TNRC18: variants seen among roughly 807,000 people sequenced by gnomAD.
TNRC18 encodes trinucleotide repeat containing 18.
In TNRC18, 69 loss-of-function variants were observed where a neutral mutation model predicts 226.7. The ratio of observed to expected loss-of-function variants is 0.30; its 90% CI spans 0.25 to 0.37. The LOEUF is 0.37. Among genes scored for constraint, TNRC18 ranks in the 10% least tolerant of loss-of-function variants. TNRC18 has a pLI of 1.00. For synonymous variants in TNRC18, 2,449 were observed against 1,927.6 expected, an observed-to-expected ratio of 1.27 and a Z score of -7.09; for missense variants, 4,754 against 4,256.6, an observed-to-expected ratio of 1.12 and a Z score of -3.25.
chr7:5,408,798 A>C (rs1781652227), intron 2 of TNRC18, among the ~76,000 whole-genome samples: 1 of 152,230 alleles, frequency 6.6e-6, no homozygotes. Flanking sequence ...CAGAGACCCT[A>C]GTACCTGTAA....
chr7:5,323,127 C>T (rs757559671), intron 21 of TNRC18, among the ~76,000 whole-genome samples: 1 of 152,204 alleles, frequency 6.6e-6, no homozygotes, highest in African/African-American at 2.4e-5. Context: ...GAGACGCACA[C>T]AGGCGGCGGC....
At chr7:5,345,517 G>GGGGGGGGCCCCCCCCCCC in intron 18 of TNRC18, 45 bp downstream of exon 18, 5 of 377,744 alleles carry the variant, frequency 1.3e-5, no homozygotes, top group East Asian at 4.6e-5. Context: ...AATGGCGTCC[G>GGGGGGGGCCCCCCCCCCC]CCCCTCCCAC....
intron 21 of TNRC18, among the ~76,000 whole-genome samples, chr7:5,321,694 G>A (rs1035170678): frequency 1.3e-5 from 2 of 149,864 alleles, no homozygotes; most frequent in African/African-American, 5.0e-5. Flanking sequence ...TTTTTGAGAT[G>A]GAGTTTCAAT....
intron 16 of TNRC18, among the ~76,000 whole-genome samples, chr7:5,353,334 C>A (rs936922243): frequency 6.6e-6 from 1 of 152,064 alleles, no homozygotes; most frequent in Non-Finnish European, 1.5e-5. Flanking sequence ...GCCAGGAGTT[C>A]GAGACCAGCC....
chr7:5,347,581 C>T (rs959114491), intron 17 of TNRC18, among the ~76,000 whole-genome samples: 6 of 152,060 alleles, frequency 3.9e-5, no homozygotes, highest in Non-Finnish European at 8.8e-5. Context: ...GGGAGGATCG[C>T]CTGAGCTCAG....
rs1279637438 is a variant in TNRC18, at chr7:5,315,967, T to C, written c.6851A>G (p.Tyr2284Cys). Reference protein sequence around the residue: ...LSHIRLLPPDYKIQCAEPSPA... With the variant: ...LSHIRLLPPDCKIQCAEPSPA... ...AGCTTGTCACTTACACTGTATCTTA[T>C]AGTCAGGGGGCAGGAGGCGGATATG... The change falls in exon 25 of 30, where the codon TAT becomes TGT. Residue 2284 changes from tyrosine to cysteine, a missense_variant. Tyr to Cys is a radical substitution (Grantham distance 194, BLOSUM62 -2). Transcript: ENST00000430969. The C allele has an allele frequency of 1.3e-6, 2 of 1,594,284 alleles. No individual in the cohort carries two copies. The highest frequency in any genetic ancestry group is 1.7e-6 in the Non-Finnish European group (2 of 1,171,660).
At position 5,388,814 on chromosome 7, in the gene TNRC18, G is replaced by C; in HGVS notation, c.1010C>G (p.Pro337Arg). 2 of 1,184,644 alleles carry C rather than the reference G, an allele frequency of 1.7e-6. No individual in the cohort carries two copies. Among genetic ancestry groups the C allele is most frequent in the Non-Finnish European group, 2.1e-6 (2 of 957,080 alleles). The allele number at this position is 1,184,644 out of a possible 1,614,324, so 73.4% of individuals were successfully genotyped here. ...AGGCCCCTTGGGGGGCGCGGGCGGC[G>C]GGGGCAGCGGTGAGGGGCAGGGGCG... ...GPRPCPSPLP[P>R]PPAPPKGPPA... The change falls in exon 5 of 30, where the codon CCG (proline) becomes CGG (arginine). Residue 337 changes from proline to arginine, a missense_variant. By Grantham distance (103) the Pro-to-Arg change is moderately radical (BLOSUM62 -2). Coordinates refer to ENST00000430969, the MANE Select transcript of TNRC18 (RefSeq NM_001080495.3).
intron 2 of TNRC18, among the ~76,000 whole-genome samples, chr7:5,410,563 A>T (rs982717776): frequency 1.3e-5 from 2 of 152,062 alleles, no homozygotes; most frequent in African/African-American, 4.8e-5. Flanking sequence ...CAGAACAGTG[A>T]TGAAGAATAA....
At chr7:5,418,862 T>C (rs546365402) in intron 2 of TNRC18, among the ~76,000 whole-genome samples, 4 of 152,224 alleles carry the variant, frequency 2.6e-5, no homozygotes, top group Admixed American at 6.5e-5. Context: ...TCGTGGCTAA[T>C]GGGATTAGCA....
chr7:5,381,890 C>T (rs1286686639), intron 5 of TNRC18, among the ~76,000 whole-genome samples: 4 of 151,964 alleles, frequency 2.6e-5, no homozygotes, highest in Non-Finnish European at 4.4e-5. Flanking sequence ...CACTTGAACC[C>T]GGGAGGCGGA....
At position 5,307,208 on chromosome 7, in the gene TNRC18, T is replaced by G. The variant is rs1036966895; in HGVS notation, c.*898A>C. The G allele has an allele frequency of 1.1e-3, 7 of 6,500 alleles. No homozygotes were observed. The highest frequency in any genetic ancestry group is 9.9e-3 in the African/African-American group (7 of 710). 0.4% of individuals were successfully genotyped at this position (6,500 alleles called of 1,614,324 possible). A position where few individuals can be genotyped will look rare whatever the true frequency, so the allele number is the denominator to read the frequency against. On this transcript the variant is annotated 3_prime_UTR_variant, in exon 30 of 30. Coordinates refer to ENST00000430969, the MANE Select transcript of TNRC18 (RefSeq NM_001080495.3). ...AAATAATATTCTGCACGTCAGAATG[T>G]TTTTTTTTATAATTTCATAGCTATT...
chr7:5,419,254 C>T (rs564104961), intron 2 of TNRC18, among the ~76,000 whole-genome samples: 43 of 152,370 alleles, frequency 2.8e-4, no homozygotes, highest in Non-Finnish European at 4.9e-4. Context: ...TGAGTAGTAG[C>T]TTGTTTTCAC....
intron 4 of TNRC18, 195 bp downstream of exon 4, chr7:5,390,290 T>C (rs1780189070): frequency 5.0e-6 from 3 of 599,030 alleles, no homozygotes; most frequent in South Asian, 5.0e-5. Context: ...ATTTGGGAGT[T>C]TGAGGCTGCA....
Position 5,388,277 on chromosome 7 carries a change from C to G in TNRC18, c.1547G>C (p.Gly516Ala). The change falls in exon 5 of 30, where the codon GGC becomes GCC. Residue 516 changes from glycine (G) to alanine (A), a missense_variant. Coordinates refer to ENST00000430969, the MANE Select transcript of TNRC18 (RefSeq NM_001080495.3). ...PEHKWKPFEL[G>A]NFAATQMAVL... ...GGCCATCTGCGTGGCGGCGAAGTTG[C>G]CCAGCTCGAAGGGTTTCCATTTATG... 6.2e-7 allele frequency: 1 copy of G among 1,609,266 alleles called. No homozygotes were observed. Among genetic ancestry groups the G allele is most frequent in the Non-Finnish European group, 8.5e-7 (1 of 1,178,472 alleles).
intron 17 of TNRC18, among the ~76,000 whole-genome samples, chr7:5,350,557 C>T (rs1300515341): frequency 1.3e-5 from 2 of 152,160 alleles, no homozygotes; most frequent in East Asian, 1.9e-4. Flanking sequence ...CTACCCAGGG[C>T]CTGGGGGATC....
rs115869030 is a variant in TNRC18 at position 5,380,279 on chromosome 7, C to T, written c.2153-2255G>A. ...TGGGCAACACAGTGAGTCCCCATCT[C>T]TACAAAAACATAAAAAATTAGCCAG... On this transcript the variant is annotated intron_variant, in intron 5 of 29. Coordinates refer to ENST00000430969, the MANE Select transcript of TNRC18 (RefSeq NM_001080495.3). Among the ~76,000 whole-genome samples the T allele has an allele frequency of 2.7e-3, 406 of 152,328 alleles. 6 individuals carry two copies. Among genetic ancestry groups the T allele is most frequent in the African/African-American group, 9.3e-3 (387 of 41,578 alleles).
intron 18 of TNRC18, among the ~76,000 whole-genome samples, chr7:5,336,845 G>C (rs758597671): frequency 6.6e-6 from 1 of 152,218 alleles, no homozygotes; most frequent in Admixed American, 6.5e-5. Flanking sequence ...AGAAAAGTAA[G>C]CGAGTGAGTT....
At chr7:5,336,774 T>A (rs181225468) in intron 18 of TNRC18, among the ~76,000 whole-genome samples, 53 of 152,150 alleles carry the variant, frequency 3.5e-4, no homozygotes, top group Non-Finnish European at 5.9e-4. Flanking sequence ...AACTGAGAAG[T>A]ACAATTTCAG....
Position 5,362,774 on chromosome 7 carries a change from G to C in TNRC18, c.4271C>G (p.Ala1424Gly), listed in dbSNP as rs1264869495. The stretch of plus-strand genomic sequence containing the variant: ...CACCTCCCTCAGCATGTGGCTGCCA[G>C]CTGCCAGCAGACTCTCCAGGGAGGG... Reference protein sequence around the residue: ...ARPSLESLLAAGSHMLREVLD... With the variant: ...ARPSLESLLAGGSHMLREVLD... The change falls in exon 12 of 30, where the codon GCT becomes GGT. Residue 1424 changes from alanine to glycine, a missense_variant. Coordinates refer to ENST00000430969, the MANE Select transcript of TNRC18 (RefSeq NM_001080495.3). 1 of 1,571,604 alleles carries C rather than the reference G, an allele frequency of 6.4e-7. No homozygotes were observed. The highest frequency in any genetic ancestry group is 8.6e-7 in the Non-Finnish European group (1 of 1,159,090).
Sources: gnomAD v4.1 joint callset for allele counts (sites outside exome capture counted in the v4.1 genomes callset) on GRCh38, gnomAD v4.1.1 for gene constraint, MANE v1.5 for transcripts, NCBI Gene and HGNC (gene_info 2026-07-23, HGNC 2026-07-21) for gene names.